Variants in ZNF423 observed in about 807,000 individuals in gnomAD.
ZNF423 encodes the protein zinc finger protein 423.
In ZNF423, 12 loss-of-function variants were observed where a neutral mutation model predicts 95.8. The observed-to-expected ratio is 0.13, with a 90% CI of 0.08 to 0.20. The LOEUF is 0.20. Ranked by LOEUF, ZNF423 falls within the 10% of genes least tolerant of loss-of-function variation. The pLI is 1.00. For synonymous variants in ZNF423, 749 were observed against 711.9 expected (o/e 1.05, Z -0.83); for missense variants, 1,316 against 1,737.1 (o/e 0.76, Z 4.31).
chr16:49,803,403 A>G (rs1359235421), intron 1 of ZNF423, among the ~76,000 whole-genome samples: 1 of 152,174 alleles, frequency 6.6e-6, no homozygotes, highest in Non-Finnish European at 1.5e-5. Context: ...AAGAGAATCC[A>G]CGCTGCAACA....
chr16:49,688,852 G>A (rs1405259094), intron 3 of ZNF423, among the ~76,000 whole-genome samples: 2 of 152,208 alleles, frequency 1.3e-5, no homozygotes, highest in African/African-American at 4.8e-5. Context: ...CAGTTACCCT[G>A]TGGTTGGTGT....
intron 3 of ZNF423, among the ~76,000 whole-genome samples, chr16:49,665,613 C>T (rs2030500170): frequency 6.6e-6 from 1 of 152,058 alleles, no homozygotes; most frequent in African/African-American, 2.4e-5. Flanking sequence ...ACAGGTTTCA[C>T]GGAGCCTCCT....
At chr16:49,858,727 C>CA (rs1046778149), upstream of ZNF423, among the ~76,000 whole-genome samples, 1 of 140,674 alleles carries the variant, frequency 7.1e-6, no homozygotes. This position sits in a 1 kb window ranked among gnomAD's most constrained non-coding sequence, Gnocchi z 4.3. Context: ...GCCCCCCCCC[C>CA]CACGCCCCCG....
rs528990086 is a variant in ZNF423 at position 49,598,993 on chromosome 16, G to A, written c.3601+27177C>T. Among the ~76,000 whole-genome samples, 15 of 152,294 alleles carry A rather than the reference G, an allele frequency of 9.8e-5. No individual in the cohort carries two copies. The South Asian group carries it at 2.7e-3, about 27-fold the overall frequency. On this transcript the variant is annotated intron_variant, in intron 5 of 7. Coordinates refer to ENST00000563137, the MANE Select transcript of ZNF423 (RefSeq NM_001379286.1). ...CTGGAATGAAAGGCTACATGGTTTCGAAGAAAGCCCCAGTTTCTGAACTGT... is the reference window on the plus strand; with the variant it reads ...CTGGAATGAAAGGCTACATGGTTTCAAAGAAAGCCCCAGTTTCTGAACTGT...
chr16:49,814,352 G>A (rs1265373750), intron 1 of ZNF423, among the ~76,000 whole-genome samples: 1 of 151,972 alleles, frequency 6.6e-6, no homozygotes, highest in East Asian at 1.9e-4. Flanking sequence ...TCCAACAATG[G>A]GGCAGGATCG....
chr16:49,774,977 A>G (rs1267816179), intron 2 of ZNF423, among the ~76,000 whole-genome samples: 6 of 152,098 alleles, frequency 3.9e-5, no homozygotes, highest in Non-Finnish European at 7.4e-5. Flanking sequence ...AACCCATTCA[A>G]TTGCACTTAA....
upstream of ZNF423, chr16:49,856,247 C>T (rs2035368773): frequency 7.0e-6 from 1 of 142,484 alleles, no homozygotes; most frequent in African/African-American, 2.6e-5. Flanking sequence ...CCTCCTTCTC[C>T]TCCTCCTCCG....
chr16:49,585,791 G>C (rs1264876132), intron 5 of ZNF423, among the ~76,000 whole-genome samples: 1 of 152,178 alleles, frequency 6.6e-6, no homozygotes, highest in Non-Finnish European at 1.5e-5. Context: ...ATAATTACAA[G>C]GTGTCCGTCA....
At chr16:49,758,127 A>T (rs971856124) in intron 2 of ZNF423, among the ~76,000 whole-genome samples, 6 of 152,182 alleles carry the variant, frequency 3.9e-5, no homozygotes, top group Non-Finnish European at 5.9e-5. Context: ...CTTCCAGATC[A>T]GGAATTGTTA....
chr16:49,730,242 A>G (rs970005147), intron 3 of ZNF423, among the ~76,000 whole-genome samples: 2 of 152,172 alleles, frequency 1.3e-5, no homozygotes, highest in African/African-American at 4.8e-5. Flanking sequence ...CTCCAGTCAA[A>G]TCTAGCAGAA....
intron 4 of ZNF423, among the ~76,000 whole-genome samples, chr16:49,627,641 T>C (rs952600425): frequency 1.5e-5 from 2 of 137,922 alleles, no homozygotes; most frequent in African/African-American, 5.6e-5. Context: ...CCCGTCCGTC[T>C]CCCCACCCAT....
intron 3 of ZNF423, among the ~76,000 whole-genome samples, chr16:49,669,098 G>A (rs1230864656): frequency 6.6e-6 from 1 of 152,042 alleles, no homozygotes; most frequent in African/African-American, 2.4e-5. Context: ...GGGAGGCCGA[G>A]GCAGGCAGAT....
chr16:49,697,824 G>A (rs1198882407), intron 3 of ZNF423, among the ~76,000 whole-genome samples: 1 of 152,276 alleles, frequency 6.6e-6, no homozygotes, highest in Admixed American at 6.5e-5. Flanking sequence ...GTGCGGGCAG[G>A]CGGCATGAGC....
chr16:49,642,801 C>CT (rs55662710), intron 3 of ZNF423, among the ~76,000 whole-genome samples: 17,990 of 90,156 alleles, frequency 0.2, 995 homozygotes, highest in South Asian at 0.27. Flanking sequence ...GTTCTCTTTT[C>CT]TTTTTTTTTT....
chr16:49,762,724 G>A (rs747819801), intron 2 of ZNF423, among the ~76,000 whole-genome samples: 22 of 152,262 alleles, frequency 1.4e-4, no homozygotes, highest in Non-Finnish European at 1.8e-4. Context: ...TTCCGCTCTC[G>A]GGAACGGCCT....
chr16:49,649,638 TAC>T (rs58838858), intron 3 of ZNF423, among the ~76,000 whole-genome samples: 1,651 of 140,222 alleles, frequency 0.012, 24 homozygotes, highest in African/African-American at 0.037. Context: ...TGCTTTGAAG[TAC>T]ACACACACAC....
chr16:49,783,330 A>G (rs1262175955), intron 2 of ZNF423, among the ~76,000 whole-genome samples: 6 of 118,092 alleles, frequency 5.1e-5, no homozygotes, highest in Admixed American at 8.6e-5. Context: ...AAAGAGGGGG[A>G]TTAGGGTTAG....
At chr16:49,498,567 G>A (rs1473391090) in intron 7 of ZNF423, among the ~76,000 whole-genome samples, 1 of 152,176 alleles carries the variant, frequency 6.6e-6, no homozygotes, top group African/African-American at 2.4e-5. Context: ...AGTTACAGGA[G>A]AGGCAAGACA....
intron 3 of ZNF423, among the ~76,000 whole-genome samples, chr16:49,695,655 G>A (rs1334844267): frequency 2.0e-5 from 3 of 151,796 alleles, no homozygotes; most frequent in African/African-American, 4.8e-5. Flanking sequence ...TCCAACTCCC[G>A]ACCTCAGGTG....
Sources: allele counts gnomAD v4.1 joint callset (sites outside exome capture counted in the v4.1 genomes callset), GRCh38; gene constraint gnomAD v4.1.1; non-coding constraint Gnocchi (gnomAD v3.1); transcripts MANE v1.5; gene names NCBI Gene and HGNC (gene_info 2026-07-23, HGNC 2026-07-21).